The following ZFYVE16 variants were observed in gnomAD, a reference collection of about 807,000 sequenced individuals.
ZFYVE16 encodes the protein zinc finger FYVE-type containing 16.
In ZFYVE16, 89 loss-of-function variants were observed where a neutral mutation model predicts 138.1. The ratio of observed to expected loss-of-function variants is 0.64; its 90% confidence interval spans 0.54 to 0.77. The LOEUF is 0.77. Among genes scored for constraint, ZFYVE16 ranks in the 30% least tolerant of loss-of-function variants. ZFYVE16 has a pLI of 0.00. For synonymous variants in ZFYVE16, 596 were observed against 618.3 expected (o/e 0.96, Z 0.53); for missense variants, 1,793 against 1,786.7 (o/e 1.00, Z -0.06).
At chr5:80,417,523 A>G (rs545415043) in intron 1 of ZFYVE16, among the ~76,000 whole-genome samples, 64 of 152,188 alleles carry the variant, frequency 4.2e-4, no homozygotes, top group Non-Finnish European at 7.9e-4. Flanking sequence ...ACTGGCTATC[A>G]TTGGTGTTTT....
upstream of ZFYVE16, chr5:80,407,909 A>C (rs780335285): frequency 4.6e-5 from 7 of 152,344 alleles, no homozygotes; most frequent in Admixed American, 1.3e-4. Flanking sequence ...CTTGGCTCGG[A>C]ACCTGCGTCG....
Position 80,456,467 on chromosome 5 carries a change from C to T in ZFYVE16, c.3697C>T (p.Arg1233Ter), listed in dbSNP as rs540280891. The T allele has an allele frequency of 2.5e-6, 4 of 1,609,754 alleles. No homozygotes were observed. The highest frequency in any genetic ancestry group is 3.4e-5 in the Admixed American group (2 of 59,336). The change falls in exon 13 of 19, where the codon CGA becomes TGA. Residue 1233 changes from arginine to a stop codon, truncating the protein, a stop_gained. Coordinates refer to ENST00000505560, the MANE Select transcript of ZFYVE16 (RefSeq NM_001284236.3). LOFTEE classifies it high-confidence loss of function. ...HTIMNLLVDL[R>*]NYQYTLHNID... ...ATGCAATTATTCTATGTAGGACCTT[C>T]GAAATTACCAGTATACCTTGCATAA...
chr5:80,434,171 T>C lies in ZFYVE16; in HGVS notation c.24T>C (p.Ala8=), dbSNP rs1277152130. The C allele has an allele frequency of 6.2e-7, 1 of 1,613,502 alleles. No homozygotes were observed. Among genetic ancestry groups the C allele is most frequent in the Non-Finnish European group, 8.5e-7 (1 of 1,179,622 alleles). The change falls in exon 3 of 19, where the codon GCT becomes GCC. Residue 8 remains alanine (A), a synonymous_variant. Transcript: ENST00000505560. MDSYFKA[A]VSDLDKLLDD... is the part of the protein sequence containing the mutation. ...GGATGGACAGTTATTTTAAAGCAGC[T>C]GTCAGTGACTTGGACAAACTCCTTG...
rs1486852932 is a variant in ZFYVE16 at position 80,448,050 on chromosome 5, C to G, written c.2749C>G (p.His917Asp). The change falls in exon 8 of 19, where the codon CAT becomes GAT. Residue 917 changes from histidine to aspartate, a missense_variant. By Grantham distance (81) the His-to-Asp change is moderately conservative (BLOSUM62 -1). Coordinates refer to ENST00000505560, the MANE Select transcript of ZFYVE16 (RefSeq NM_001284236.3). Reference protein sequence around the residue: ...PMTVNTVDHSHSTTVEKPNNE... With the variant: ...PMTVNTVDHSDSTTVEKPNNE... ...GACAGTAAACACAGTGGATCATTCC[C>G]ATTCTACTACAGTGGAAAAGCCAAA... 2 of 1,607,716 alleles carry G rather than the reference C, an allele frequency of 1.2e-6. No homozygotes were observed. Among genetic ancestry groups the G allele is most frequent in the Non-Finnish European group, 1.7e-6 (2 of 1,177,038 alleles).
At chr5:80,459,880 A>G (rs1019146046) in intron 15 of ZFYVE16, among the ~76,000 whole-genome samples, 2 of 152,220 alleles carry the variant, frequency 1.3e-5, no homozygotes, top group Non-Finnish European at 2.9e-5. Flanking sequence ...TCTTACAACT[A>G]TAGCTTATTC....
At position 80,447,733 on chromosome 5, in the gene ZFYVE16, A is replaced by G. The variant is rs537088444; in HGVS notation, c.2725-293A>G. Among the ~76,000 whole-genome samples, 15 of 152,224 alleles carry G rather than the reference A, an allele frequency of 9.9e-5. No individual in the cohort carries two copies. In the South Asian group the frequency reaches 3.1e-3, roughly 32 times the overall value. ...TGCTCACTGTGTGATATGGTATGGG[A>G]TCTTGAAGTTCTTCTTGCCTCATTT... On this transcript the variant is annotated intron_variant, in intron 7 of 18. Transcript: ENST00000505560.
Position 80,438,583 on chromosome 5 carries a change from A to G in ZFYVE16, c.1898A>G (p.Gln633Arg), listed in dbSNP as rs1443811487. ...ACCAGTAAGTCTGAGATTACAAATC[A>G]ATTATCGGTCTCTGATATTAACAGT... ...LPTSKSEITN[Q>R]LSVSDINSQS... The change falls in exon 4 of 19, where the codon CAA becomes CGA. Residue 633 changes from glutamine (Q) to arginine (R), a missense_variant. By Grantham distance (43) the Gln-to-Arg change is conservative (BLOSUM62 1). Around this residue, in one of 2 missense-constraint regions of ZFYVE16, gnomAD observed 1,295 missense variants for 1,204.3 expected, o/e 1.08. Coordinates refer to ENST00000505560, the MANE Select transcript of ZFYVE16 (RefSeq NM_001284236.3). The G allele has an allele frequency of 6.2e-7, 1 of 1,614,162 alleles. No homozygotes were observed. Among genetic ancestry groups the G allele is most frequent in the Non-Finnish European group, 8.5e-7 (1 of 1,179,992 alleles).
chr5:80,481,368 A>G lies in ZFYVE16; in HGVS notation c.*3991A>G, dbSNP rs998661918. Among the ~76,000 whole-genome samples the G allele has an allele frequency of 6.6e-6, 1 of 152,202 alleles. No homozygotes were observed. ...AGGAACCCTTAAATCTGTCAATAAA[A>G]TCCTGGGATCATCTCACAAGCTGTG... is the stretch of plus-strand genomic sequence containing the variant. On this transcript the variant is annotated 3_prime_UTR_variant, in exon 19 of 19. Coordinates refer to ENST00000505560, the MANE Select transcript of ZFYVE16 (RefSeq NM_001284236.3).
At chr5:80,466,944 A>C (rs1165984768) in intron 15 of ZFYVE16, among the ~76,000 whole-genome samples, 1 of 152,182 alleles carries the variant, frequency 6.6e-6, no homozygotes, top group Non-Finnish European at 1.5e-5. Context: ...AGCACAGCAG[A>C]AGCCTTGAAA....
chr5:80,436,780 T>G lies in ZFYVE16; in HGVS notation c.95T>G (p.Val32Gly), dbSNP rs767932906. 6.2e-7 allele frequency: 1 copy of G among 1,613,294 alleles called. No homozygotes were observed. The highest frequency in any genetic ancestry group is 1.3e-5 in the African/African-American group (1 of 75,012). ...GATGAACAAGATTATCTCCAAGATG[T>G]ACAAAATGCATATGATTCTAACCAC... Reference protein sequence around the residue: ...NPDEQDYLQDVQNAYDSNHCS... With the variant: ...NPDEQDYLQDGQNAYDSNHCS... The change falls in exon 4 of 19, where the codon GTA becomes GGA. Residue 32 changes from valine to glycine, a missense_variant. Val to Gly is a moderately radical substitution (Grantham distance 109). This residue lies in a region of ZFYVE16 where 1,295 missense variants were observed against 1,204.3 expected (regional missense o/e 1.08). Transcript: ENST00000505560.
Position 80,437,025 on chromosome 5 carries a change from A to T in ZFYVE16, c.340A>T (p.Ile114Phe), listed in dbSNP as rs1318739907. ...SSVDGGTSDEIQPLYMGRCSK... is the reference protein window; with the variant it reads ...SSVDGGTSDEFQPLYMGRCSK... ...TGTGGATGGTGGTACTTCAGATGAAATCCAGCCGTTATATATGGGACGATG... is the reference window on the plus strand; with the variant it reads ...TGTGGATGGTGGTACTTCAGATGAATTCCAGCCGTTATATATGGGACGATG... The change falls in exon 4 of 19, where the codon ATC becomes TTC. Residue 114 changes from isoleucine to phenylalanine, a missense_variant. By Grantham distance (21) the Ile-to-Phe change is conservative (BLOSUM62 0). Transcript: ENST00000505560. 1 of 1,614,222 alleles carries T rather than the reference A, an allele frequency of 6.2e-7. No homozygotes were observed.
intron 2 of ZFYVE16, among the ~76,000 whole-genome samples, chr5:80,433,339 G>A (rs1029305129): frequency 2.0e-5 from 3 of 152,066 alleles, no homozygotes; most frequent in Admixed American, 6.6e-5. Flanking sequence ...TCGCAAGGAC[G>A]AAAAACCAAA....
chr5:80,435,759 C>T (rs538536956), intron 3 of ZFYVE16: 138 of 436,246 alleles, frequency 3.2e-4, no homozygotes, highest in African/African-American at 2.7e-3. Context: ...ATATTTTTTA[C>T]AGATGGGGTC....
chr5:80,441,911 T>C, intron 5 of ZFYVE16: 1 of 985,324 alleles, frequency 1.0e-6, no homozygotes, highest in African/African-American at 1.7e-5. Flanking sequence ...GAAGAATCAC[T>C]CAGCAGTATT....
At chr5:80,456,801 A>T in intron 13 of ZFYVE16, 144 bp from the exon 14 acceptor site, 1 of 1,047,668 alleles carries the variant, frequency 9.5e-7, no homozygotes, top group Non-Finnish European at 1.3e-6. Context: ...TTATTTTAAA[A>T]CATTTGTTTC....
In ZFYVE16 at chr5:80,473,821, G is replaced by C. The variant is rs1306005512; in HGVS notation, c.4255G>C (p.Asp1419His). The C allele has an allele frequency of 6.2e-7, 1 of 1,613,258 alleles. No individual in the cohort carries two copies. Among genetic ancestry groups the C allele is most frequent in the Non-Finnish European group, 8.5e-7 (1 of 1,179,596 alleles). The change falls in exon 17 of 19, where the codon GAT becomes CAT. Residue 1419 changes from aspartate to histidine, a missense_variant. Physicochemically the swap from Asp to His is moderately conservative, Grantham distance 81. Coordinates refer to ENST00000505560, the MANE Select transcript of ZFYVE16 (RefSeq NM_001284236.3). ...FPSEKIKLEA[D>H]FETDEKIVKC... ...AAGTGAAAAAATAAAACTGGAAGCAGATTTTGAAACCGATGAGAAGATTGT... is the reference window on the plus strand; with the variant it reads ...AAGTGAAAAAATAAAACTGGAAGCACATTTTGAAACCGATGAGAAGATTGT...
In ZFYVE16 at chr5:80,436,200, A is replaced by G. The variant is rs559011002; in HGVS notation, c.71-556A>G. The stretch of plus-strand genomic sequence containing the variant: ...CTCTTAAGTGGCCCATCTTGAAACC[A>G]TCACATGCCCATCACCGTGGCCATA... On this transcript the variant is annotated intron_variant, in intron 3 of 18. Transcript: ENST00000505560. Among the ~76,000 whole-genome samples the G allele has an allele frequency of 8.2e-4, 125 of 152,328 alleles. 1 individual carries two copies. Among genetic ancestry groups the G allele is most frequent in the African/African-American group, 3.0e-3 (123 of 41,562 alleles).
At chr5:80,465,114 A>C (rs1242584798) in intron 15 of ZFYVE16, among the ~76,000 whole-genome samples, 1 of 152,162 alleles carries the variant, frequency 6.6e-6, no homozygotes, top group Non-Finnish European at 1.5e-5. Flanking sequence ...TAACCTATGT[A>C]GTTACCTTAC....
chr5:80,465,065 A>C lies in ZFYVE16; in HGVS notation c.4024+5571A>C, dbSNP rs558433446. On this transcript the variant is annotated intron_variant, in intron 15 of 18. Coordinates refer to ENST00000505560, the MANE Select transcript of ZFYVE16 (RefSeq NM_001284236.3). ...AGATGTTTTTTAAATGAGAAGAGGA[A>C]AGAGTTACAACCCAAAATACATTTA... Among the ~76,000 whole-genome samples, 3 of 152,288 alleles carry C rather than the reference A, an allele frequency of 2.0e-5. No homozygotes were observed. The East Asian group carries it at 5.8e-4, about 29-fold the overall frequency.
Sources: gnomAD v4.1 joint callset for allele counts (sites outside exome capture counted in the v4.1 genomes callset) on GRCh38, gnomAD v4.1.1 for gene constraint, gnomAD v4.1.1 regional missense constraint, MANE v1.5 for transcripts, NCBI Gene and HGNC (gene_info 2026-07-23, HGNC 2026-07-21) for gene names.